The following ELK3 variants were observed in gnomAD, a reference collection of about 807,000 sequenced individuals.
The protein encoded by ELK3 is ETS domain-containing protein Elk-3.
ELK3 carries 10 observed loss-of-function variants against 28.9 expected under a neutral mutation model. The observed-to-expected ratio is 0.35, with a 90% CI of 0.21 to 0.59. The LOEUF (loss-of-function observed/expected upper bound fraction) is 0.59. ELK3 is among the 20% of genes least tolerant of loss of function. The pLI is 0.82. For missense variants in ELK3, 463 were observed against 517.3 expected, an observed-to-expected ratio of 0.90 and a Z score of 1.02; for synonymous variants, 272 against 243.5, an observed-to-expected ratio of 1.12 and a Z score of -1.09.
At chr12:96,195,082 G>C (rs1478515174) in intron 1 of ELK3, among the ~76,000 whole-genome samples, 1 of 152,096 alleles carries the variant, frequency 6.6e-6, no homozygotes, top group Non-Finnish European at 1.5e-5. Context: ...GGGAGCGGGG[G>C]ACGGCGAGAC....
Position 96,223,800 on chromosome 12 carries a change from G to A in ELK3, c.207+27G>A, listed in dbSNP as rs79069381. 9,954 of 1,609,100 alleles carry A rather than the reference G, an allele frequency of 6.2e-3. 523 individuals carry two copies. In the African/African-American group the frequency reaches 0.11, roughly 19 times the overall value. On this transcript the variant is annotated intron_variant, in intron 2 of 4. Coordinates refer to ENST00000228741, the MANE Select transcript of ELK3 (RefSeq NM_005230.4). The stretch of plus-strand genomic sequence containing the variant: ...TAAACCCTTGACCTTGCATGGGGCC[G>A]TCTTGGGGAGGGTGGAATCCCCTCT...
Position 96,246,482 on chromosome 12 carries a change from C to T in ELK3, c.208-458C>T, listed in dbSNP as rs546827313. ...CCAGCCTGAGCAACCAAGTGAGATG[C>T]TGTCTCCACAAAAAATAAAAATGTA... On this transcript the variant is annotated intron_variant, in intron 2 of 4. Transcript: ENST00000228741. 7.2e-5 allele frequency among the ~76,000 whole-genome samples: 11 copies of T among 152,192 alleles called. No individual in the cohort carries two copies. In the South Asian group the frequency reaches 2.3e-3, roughly 32 times the overall value.
chr12:96,216,891 G>C (rs1424157324), intron 1 of ELK3, among the ~76,000 whole-genome samples: 1 of 152,202 alleles, frequency 6.6e-6, no homozygotes, highest in Non-Finnish European at 1.5e-5. Context: ...CAGAGAGTCA[G>C]GTGCCAGAAT....
chr12:96,250,868 T>C (rs1199897403), intron 3 of ELK3, among the ~76,000 whole-genome samples: 2 of 152,082 alleles, frequency 1.3e-5, no homozygotes, highest in African/African-American at 4.8e-5. Flanking sequence ...AGGTACAAAT[T>C]CCGAAGGTTG....
At chr12:96,208,126 A>G (rs1201343071) in intron 1 of ELK3, among the ~76,000 whole-genome samples, 1 of 152,050 alleles carries the variant, frequency 6.6e-6, no homozygotes, top group Non-Finnish European at 1.5e-5. Context: ...ATCTTGGCTC[A>G]CTGTAACCTC....
chr12:96,223,581 C>CA lies in ELK3; in HGVS notation c.16dup (p.Thr6AsnfsTer16), dbSNP rs761215292. The CA allele has an allele frequency of 6.2e-7, 1 of 1,614,106 alleles. No homozygotes were observed. Among genetic ancestry groups the CA allele is most frequent in the South Asian group, 1.1e-5 (1 of 91,086 alleles). ...TCCCTGCAGGTATGGAGAGTGCAATCACGCTGTGGCAGTTCCTGTTGCAGT... is the reference window on the plus strand; with the variant it reads ...TCCCTGCAGGTATGGAGAGTGCAATCAACGCTGTGGCAGTTCCTGTTGCAGT... On this transcript the variant is annotated frameshift_variant, in exon 2 of 5. Coordinates refer to ENST00000228741, the MANE Select transcript of ELK3 (RefSeq NM_005230.4). LOFTEE classifies it high-confidence loss of function.
chr12:96,223,781 C>A lies in ELK3; in HGVS notation c.207+8C>A. The stretch of plus-strand genomic sequence containing the variant: ...CGATACTATTATGACAAGGTAAACC[C>A]TTGACCTTGCATGGGGCCGTCTTGG... On this transcript the variant is annotated splice_region_variant and intron_variant, in intron 2 of 4. Transcript: ENST00000228741. The A allele has an allele frequency of 6.2e-7, 1 of 1,613,696 alleles. No homozygotes were observed. Among genetic ancestry groups the A allele is most frequent in the African/African-American group, 1.3e-5 (1 of 75,028 alleles).
intron 2 of ELK3, among the ~76,000 whole-genome samples, chr12:96,227,044 G>A (rs982911176): frequency 3.3e-5 from 5 of 152,126 alleles, no homozygotes; most frequent in African/African-American, 1.2e-4. Flanking sequence ...GACCGTTTTC[G>A]ACTCACAGAA....
chr12:96,250,566 G>A (rs953602442), intron 3 of ELK3, among the ~76,000 whole-genome samples: 4 of 152,208 alleles, frequency 2.6e-5, no homozygotes, highest in African/African-American at 7.2e-5. Context: ...CAGAAACAGC[G>A]TGGCTCTCAA....
At chr12:96,230,475 G>A (rs1231989934) in intron 2 of ELK3, among the ~76,000 whole-genome samples, 1 of 152,142 alleles carries the variant, frequency 6.6e-6, no homozygotes, top group Non-Finnish European at 1.5e-5. Flanking sequence ...AAAGGAAACT[G>A]CTCCCCATGA....
At chr12:96,220,994 C>T (rs1324746557) in intron 1 of ELK3, among the ~76,000 whole-genome samples, 2 of 152,140 alleles carry the variant, frequency 1.3e-5, no homozygotes. Flanking sequence ...CAGCATAGCA[C>T]AGGAGGAAAA....
chr12:96,261,573 A>T (rs1351354365), intron 4 of ELK3, among the ~76,000 whole-genome samples: 1 of 152,194 alleles, frequency 6.6e-6, no homozygotes, highest in East Asian at 1.9e-4. Context: ...GGATTGTTAT[A>T]CTACTCTAAT....
intron 1 of ELK3, among the ~76,000 whole-genome samples, chr12:96,208,555 A>G (rs1951554145): frequency 6.6e-6 from 1 of 152,226 alleles, no homozygotes; most frequent in Admixed American, 6.5e-5. Context: ...TGCTTCATCC[A>G]GTTCCCAAGA....
intron 3 of ELK3, among the ~76,000 whole-genome samples, chr12:96,259,287 C>G (rs916014302): frequency 4.6e-5 from 7 of 152,190 alleles, no homozygotes; most frequent in Admixed American, 2.0e-4. Flanking sequence ...TATGGTGGCT[C>G]ACGCCTGTAA....
chr12:96,266,626 T>C (rs1434328527), intron 4 of ELK3, among the ~76,000 whole-genome samples: 1 of 152,230 alleles, frequency 6.6e-6, no homozygotes, highest in Non-Finnish European at 1.5e-5. Flanking sequence ...ATCTTTGTAG[T>C]ACCCTGAAAA....
At chr12:96,251,967 G>C (rs1369586242) in intron 3 of ELK3, among the ~76,000 whole-genome samples, 2 of 152,236 alleles carry the variant, frequency 1.3e-5, no homozygotes, top group African/African-American at 4.8e-5. Context: ...AGGTGAAACG[G>C]CCTTCTACTG....
At position 96,247,707 on chromosome 12, in the gene ELK3, C is replaced by T. The variant is rs771693163; in HGVS notation, c.975C>T (p.Ser325=). Residue 325 remains serine (S), a synonymous_variant, in exon 3 of 5, where the codon TCC becomes TCT. Coordinates refer to ENST00000228741, the MANE Select transcript of ELK3 (RefSeq NM_005230.4). The surrounding 1 kb of genome is among the most constrained non-coding windows in gnomAD (Gnocchi z 5.5). Reference sequence around the variant, plus strand: ...ACAGCCCAGCCCTCCCCTCGGGATCCCTCACCCCAGCCTTCTTCACCGCAC... The same window carrying T: ...ACAGCCCAGCCCTCCCCTCGGGATCTCTCACCCCAGCCTTCTTCACCGCAC... ...ALNSPALPSG[S]LTPAFFTAQT... is the part of the protein sequence containing the mutation. The T allele has an allele frequency of 7.4e-5, 118 of 1,598,432 alleles. No homozygotes were observed. In the East Asian group the frequency reaches 2.7e-3, roughly 36 times the overall value.
intron 4 of ELK3, among the ~76,000 whole-genome samples, chr12:96,261,865 C>T (rs1014454351): frequency 2.0e-5 from 3 of 152,132 alleles, no homozygotes; most frequent in East Asian, 1.9e-4. Flanking sequence ...TGCATCCGCT[C>T]GTTTCTTCAG....
At chr12:96,215,153 G>C (rs2137008388) in intron 1 of ELK3, among the ~76,000 whole-genome samples, 1 of 148,360 alleles carries the variant, frequency 6.7e-6, no homozygotes, top group Non-Finnish European at 1.5e-5. Context: ...CCACCACATA[G>C]AAGCTTAAGA....
Sources: gnomAD v4.1 joint callset for allele counts (sites outside exome capture counted in the v4.1 genomes callset) on GRCh38, gnomAD v4.1.1 for gene constraint, Gnocchi (gnomAD v3.1) non-coding constraint, MANE v1.5 for transcripts, NCBI Gene and HGNC (gene_info 2026-07-23, HGNC 2026-07-21) for gene names.